CCDC69: variants seen among roughly 807,000 people sequenced by gnomAD.
The protein encoded by CCDC69 is coiled-coil domain-containing protein 69.
In CCDC69, 38 loss-of-function variants were observed where a neutral mutation model predicts 40.3. That is an observed-to-expected ratio of 0.94 (90% CI 0.73 to 1.24). The LOEUF is 1.24. Ranked by LOEUF, CCDC69 falls within the 50% of genes most tolerant of loss-of-function variation. The pLI is 0.00. For synonymous variants in CCDC69, 141 were observed against 138.9 expected (o/e 1.02, Z -0.11); for missense variants, 389 against 357.9 (o/e 1.09, Z -0.70).
intron 2 of CCDC69, 88 bp from the exon 3 acceptor site, chr5:151,201,776 G>A: frequency 1.3e-6 from 1 of 778,910 alleles, no homozygotes; most frequent in Non-Finnish European, 2.0e-6. Context: ...GTGGGAAATG[G>A]GGCTAAGGGA....
intron 4 of CCDC69, among the ~76,000 whole-genome samples, chr5:151,190,480 A>C (rs975684919): frequency 7.2e-5 from 11 of 152,256 alleles, no homozygotes; most frequent in Admixed American, 4.6e-4. Context: ...AGACTGGCCA[A>C]CATGGTGAAA....
chr5:151,210,293 T>C (rs1480380552), intron 1 of CCDC69, among the ~76,000 whole-genome samples: 3 of 152,148 alleles, frequency 2.0e-5, no homozygotes, highest in Non-Finnish European at 4.4e-5. Flanking sequence ...CCTATAATCC[T>C]AGCACTTTGG....
At position 151,184,457 on chromosome 5, in the gene CCDC69, T is replaced by C; in HGVS notation, c.616-16A>G. 1 of 1,563,056 alleles carries C rather than the reference T, an allele frequency of 6.4e-7. No individual in the cohort carries two copies. The highest frequency in any genetic ancestry group is 2.2e-5 in the East Asian group (1 of 44,670). On this transcript the variant is annotated splice_polypyrimidine_tract_variant and intron_variant, in intron 7 of 8. Coordinates refer to ENST00000355417, the MANE Select transcript of CCDC69 (RefSeq NM_015621.3). ...TTTTCTCTTTCTATAACAATGAGAA[T>C]GAGCTCAGAAAGCTGCCAAACTCAC...
intron 4 of CCDC69, among the ~76,000 whole-genome samples, chr5:151,189,117 T>C (rs369565313): frequency 1.2e-4 from 19 of 152,154 alleles, no homozygotes; most frequent in African/African-American, 4.6e-4. Flanking sequence ...TGAGATCCTA[T>C]AGATGTAGGA....
At chr5:151,209,390 C>G (rs1752897146) in intron 1 of CCDC69, among the ~76,000 whole-genome samples, 1 of 152,232 alleles carries the variant, frequency 6.6e-6, no homozygotes, top group East Asian at 1.9e-4. Flanking sequence ...ATGCTGCCTT[C>G]TTTCAGATAA....
At chr5:151,187,608 T>C in intron 4 of CCDC69, 149 bp from the exon 5 acceptor site, 2 of 628,838 alleles carry the variant, frequency 3.2e-6, no homozygotes, top group Non-Finnish European at 5.6e-6. Flanking sequence ...TTCTGTCTCC[T>C]AGGCTTGCTT....
At chr5:151,207,992 T>C (rs529204435) in intron 1 of CCDC69, among the ~76,000 whole-genome samples, 294 of 152,298 alleles carry the variant, frequency 1.9e-3, no homozygotes, top group African/African-American at 6.9e-3. Context: ...GGCTCATGCC[T>C]ATAATCTTGG....
chr5:151,209,912 A>G (rs1239783433), intron 1 of CCDC69, among the ~76,000 whole-genome samples: 2 of 152,120 alleles, frequency 1.3e-5, no homozygotes, highest in Non-Finnish European at 2.9e-5. Flanking sequence ...ATTTATAAAC[A>G]TCTTCTTCCA....
intron 1 of CCDC69, among the ~76,000 whole-genome samples, chr5:151,220,108 G>A (rs537444917): frequency 5.9e-5 from 9 of 152,196 alleles, no homozygotes; most frequent in South Asian, 4.1e-4. Flanking sequence ...CCCTGCCCGC[G>A]TCAACCTTCC....
chr5:151,205,965 T>C (rs1006093921), intron 1 of CCDC69, among the ~76,000 whole-genome samples: 5 of 152,108 alleles, frequency 3.3e-5, no homozygotes, highest in African/African-American at 1.2e-4. Flanking sequence ...GACTTCTGTG[T>C]GTGTGGGAGG....
intron 1 of CCDC69, 59 bp from the exon 2 acceptor site, chr5:151,205,534 C>T (rs540598078): frequency 4.0e-5 from 57 of 1,415,954 alleles, no homozygotes; most frequent in South Asian, 2.8e-4. Flanking sequence ...AATGCGAGGA[C>T]GGGCTGCTAT....
intron 2 of CCDC69, among the ~76,000 whole-genome samples, chr5:151,204,930 GC>G (rs1752832218): frequency 6.6e-6 from 1 of 152,058 alleles, no homozygotes; most frequent in African/African-American, 2.4e-5. Context: ...ATTGGGTGAT[GC>G]TGAGTTTTGG....
intron 1 of CCDC69, among the ~76,000 whole-genome samples, chr5:151,214,310 G>A (rs1220106709): frequency 1.3e-5 from 2 of 152,220 alleles, no homozygotes; most frequent in African/African-American, 4.8e-5. Flanking sequence ...CGAGGGTAGA[G>A]GCAGGAAGGA....
chr5:151,185,416 A>C lies in CCDC69; in HGVS notation c.615+6T>G, dbSNP rs774008302. On this transcript the variant is annotated splice_donor_region_variant and intron_variant, in intron 7 of 8. Coordinates refer to ENST00000355417, the MANE Select transcript of CCDC69 (RefSeq NM_015621.3). ...CTGCATCCCCCAGCCACTCCCAGTC[A>C]CAGACCACTGTTTCCATGAGGATCA... 1 of 1,613,736 alleles carries C rather than the reference A, an allele frequency of 6.2e-7. No homozygotes were observed. Among genetic ancestry groups the C allele is most frequent in the South Asian group, 1.1e-5 (1 of 91,064 alleles).
At chr5:151,220,838 C>G (rs1232547964) in intron 1 of CCDC69, among the ~76,000 whole-genome samples, 1 of 152,036 alleles carries the variant, frequency 6.6e-6, no homozygotes, top group Non-Finnish European at 1.5e-5. Flanking sequence ...GGCTGGTAAC[C>G]TGTTGGGGAT....
At chr5:151,198,146 C>T (rs1752724657) in intron 4 of CCDC69, among the ~76,000 whole-genome samples, 1 of 152,148 alleles carries the variant, frequency 6.6e-6, no homozygotes, top group African/African-American at 2.4e-5. Flanking sequence ...GTTCTAAATT[C>T]TATCTCGGTC....
intron 1 of CCDC69, among the ~76,000 whole-genome samples, chr5:151,209,950 A>G (rs2113999306): frequency 6.6e-6 from 1 of 152,348 alleles, no homozygotes; most frequent in East Asian, 1.9e-4. Flanking sequence ...CATTTGTTGT[A>G]GAAAGTACAG....
intron 3 of CCDC69, among the ~76,000 whole-genome samples, chr5:151,200,785 A>AT (rs1752764913): frequency 6.6e-6 from 1 of 152,146 alleles, no homozygotes. Context: ...ATGTCCCTCA[A>AT]TTTTCATTTC....
intron 3 of CCDC69, among the ~76,000 whole-genome samples, chr5:151,200,665 A>C (rs552120632): frequency 1.3e-5 from 2 of 152,310 alleles, no homozygotes; most frequent in East Asian, 3.9e-4. Context: ...TGCAGGTTAC[A>C]TTCAGTCATC....
Sources: gnomAD v4.1 joint callset for allele counts (sites outside exome capture counted in the v4.1 genomes callset) on GRCh38, gnomAD v4.1.1 for gene constraint, MANE v1.5 for transcripts, NCBI Gene and HGNC (gene_info 2026-07-23, HGNC 2026-07-21) for gene names.